Variants in NAGLU observed in about 807,000 individuals in gnomAD.
NAGLU encodes the protein N-acetyl-alpha-glucosaminidase, also known as alpha-N-acetylglucosaminidase.
NAGLU carries 34 observed loss-of-function variants against 43.4 expected under a neutral mutation model. That is an observed-to-expected ratio of 0.78 (90% CI 0.60 to 1.04). NAGLU has a LOEUF of 1.04. Among genes scored for constraint, NAGLU ranks in the 50% least tolerant of loss-of-function variants. NAGLU has a pLI of 0.00. For synonymous variants in NAGLU, 425 were observed against 437.6 expected (o/e 0.97, Z 0.36); for missense variants, 910 against 993.7 (o/e 0.92, Z 1.13).
chr17:42,541,810 A>G (rs2092922399), intron 5 of NAGLU, among the ~76,000 whole-genome samples: 1 of 152,198 alleles, frequency 6.6e-6, no homozygotes, highest in African/African-American at 2.4e-5. Context: ...GTACTGCTCC[A>G]AGTGTGACCC....
chr17:42,538,594 G>A (rs924696071), intron 3 of NAGLU, 76 bp from the exon 4 acceptor site: 181 of 1,612,178 alleles, frequency 1.1e-4, no homozygotes, highest in Non-Finnish European at 1.4e-4. Flanking sequence ...GGGGGGCTGC[G>A]TGTATCCTGG....
intron 1 of NAGLU, 46 bp downstream of exon 1, chr17:42,536,701 C>G (rs926500241): frequency 1.7e-5 from 24 of 1,386,208 alleles, no homozygotes; most frequent in Non-Finnish European, 2.2e-5. Flanking sequence ...CGCTTACCCC[C>G]TCCCGGAGCC....
Position 42,543,512 on chromosome 17 carries a change from C to T in NAGLU, c.1506C>T (p.Tyr502=), listed in dbSNP as rs1348547753. Residue 502 remains tyrosine, a synonymous_variant, in exon 6 of 6, where the codon TAC becomes TAT. Transcript: ENST00000225927. ...GGAGGCTACTGCTCCGGAGTGTGTA[C>T]AACTGCTCCGGGGAGGCCTGCAGGG... The part of the protein sequence containing the change: ...AAWRLLLRSV[Y]NCSGEACRGH... The T allele has an allele frequency of 1.9e-6, 3 of 1,605,242 alleles. No individual in the cohort carries two copies. The highest frequency in any genetic ancestry group is 1.7e-5 in the Admixed American group (1 of 59,340).
rs1371348421 is a variant in NAGLU at position 42,543,009 on chromosome 17, C to T, written c.1022-19C>T. The T allele has an allele frequency of 6.3e-7, 1 of 1,599,394 alleles. No individual in the cohort carries two copies. The highest frequency in any genetic ancestry group is 8.5e-7 in the Non-Finnish European group (1 of 1,179,960). Reference sequence around the variant, plus strand: ...TTTCATCACTCCTCTTCTCTGTTCCCCCTACCTCCTGTCCACAGTGGATAC... The same window carrying T: ...TTTCATCACTCCTCTTCTCTGTTCCTCCTACCTCCTGTCCACAGTGGATAC... On this transcript the variant is annotated intron_variant, in intron 5 of 5. Coordinates refer to ENST00000225927, the MANE Select transcript of NAGLU (RefSeq NM_000263.4).
At chr17:42,542,089 G>C (rs576165983) in intron 5 of NAGLU, among the ~76,000 whole-genome samples, 1 of 151,524 alleles carries the variant, frequency 6.6e-6, no homozygotes, top group Non-Finnish European at 1.5e-5. Context: ...TTGAGATAGA[G>C]TCTCGCTCTG....
chr17:42,536,509 C>G lies in NAGLU; in HGVS notation c.237C>G (p.Gly79=), dbSNP rs2092906607. 7.9e-7 allele frequency: 1 copy of G among 1,265,024 alleles called. No individual in the cohort carries two copies. Among genetic ancestry groups the G allele is most frequent in the African/African-American group, 1.6e-5 (1 of 64,158 alleles). 78.4% of individuals were successfully genotyped at this position (1,265,024 alleles called of 1,614,324 possible). Residue 79 remains glycine (G), a synonymous_variant, in exon 1 of 6, where the codon GGC becomes GGG. Coordinates refer to ENST00000225927, the MANE Select transcript of NAGLU (RefSeq NM_000263.4). ...GCGCGGCGCGCGTGCGGGTGCGCGGCTCCACGGGCGTGGCGGCCGCCGCGG... is the reference window on the plus strand; with the variant it reads ...GCGCGGCGCGCGTGCGGGTGCGCGGGTCCACGGGCGTGGCGGCCGCCGCGG... ...GGGAARVRVR[G]STGVAAAAGL... is the part of the protein sequence containing the mutation.
chr17:42,537,223 A>C, intron 1 of NAGLU, 175 bp from the exon 2 acceptor site: 1 of 917,466 alleles, frequency 1.1e-6, no homozygotes, highest in Non-Finnish European at 1.7e-6. Flanking sequence ...CGAGTGCCTC[A>C]GAAGCCCAGC....
intron 5 of NAGLU, among the ~76,000 whole-genome samples, chr17:42,541,762 C>T (rs2092922305): frequency 6.6e-6 from 1 of 152,182 alleles, no homozygotes; most frequent in African/African-American, 2.4e-5. Flanking sequence ...TCTGTGTTGG[C>T]CAGGAAGGGA....
chr17:42,537,308 CCT>C, intron 1 of NAGLU, 88 bp from the exon 2 acceptor site: 1 of 1,597,044 alleles, frequency 6.3e-7, no homozygotes, highest in Middle Eastern at 1.7e-4. Flanking sequence ...GAGCCCCTCC[CCT>C]CTCCTCTAGG....
Position 42,536,576 on chromosome 17 carries a change from G to T in NAGLU, c.304G>T (p.Ala102Ser). ...YLRDFCGCHV[A>S]WSGSQLRLPR... ...GCGCGACTTCTGTGGCTGCCACGTG[G>T]CCTGGTCCGGCTCTCAGCTGCGCCT... The change falls in exon 1 of 6, where the codon GCC becomes TCC. Residue 102 changes from alanine to serine, a missense_variant. Physicochemically the swap from Ala to Ser is moderately conservative, Grantham distance 99. Coordinates refer to ENST00000225927, the MANE Select transcript of NAGLU (RefSeq NM_000263.4). 1 of 1,487,560 alleles carries T rather than the reference G, an allele frequency of 6.7e-7. No individual in the cohort carries two copies. Among genetic ancestry groups the T allele is most frequent in the Non-Finnish European group, 8.9e-7 (1 of 1,126,592 alleles). 92.1% of individuals were successfully genotyped at this position (1,487,560 alleles called of 1,614,324 possible).
At position 42,544,160 on chromosome 17, in the gene NAGLU, G is replaced by C. The variant is rs749377249; in HGVS notation, c.2154G>C (p.Gln718His). ...FVLSKQRYPS[Q>H]PRGDTVDLAK... is the part of the protein sequence containing the mutation. ...TCAGCAAGCAGAGGTACCCCAGCCA[G>C]CCGCGAGGAGACACTGTGGACCTGG... The change falls in exon 6 of 6, where the codon CAG becomes CAC. Residue 718 changes from glutamine to histidine, a missense_variant. Physicochemically the swap from Gln to His is conservative, Grantham distance 24. Transcript: ENST00000225927. The C allele has an allele frequency of 1.9e-6, 3 of 1,613,758 alleles. No homozygotes were observed. The South Asian group carries it at 3.3e-5, about 18-fold the overall frequency.
At position 42,544,262 on chromosome 17, in the gene NAGLU, G is replaced by A. The variant is rs373750406; in HGVS notation, c.*24G>A. Reference sequence around the variant, plus strand: ...GATAGATTCGCCACCACTGGGCCTTGTTTTCCGCTAATTCCAGGGCAGATT... The same window carrying A: ...GATAGATTCGCCACCACTGGGCCTTATTTTCCGCTAATTCCAGGGCAGATT... On this transcript the variant is annotated 3_prime_UTR_variant, in exon 6 of 6. Coordinates refer to ENST00000225927, the MANE Select transcript of NAGLU (RefSeq NM_000263.4). 2.0e-5 allele frequency: 32 copies of A among 1,604,472 alleles called. No individual in the cohort carries two copies. The African/African-American group carries it at 3.6e-4, about 18-fold the overall frequency.
intron 1 of NAGLU, 24 bp downstream of exon 1, chr17:42,536,679 G>C: frequency 6.9e-7 from 1 of 1,455,558 alleles, no homozygotes; most frequent in South Asian, 1.3e-5. Flanking sequence ...GCTTCCCCGC[G>C]TCCGCCCGAG....
rs181735466 is a variant in NAGLU at position 42,536,442 on chromosome 17, C to G, written c.170C>G (p.Ala57Gly). The change falls in exon 1 of 6, where the codon GCT becomes GGT. Residue 57 changes from alanine to glycine, a missense_variant. Coordinates refer to ENST00000225927, the MANE Select transcript of NAGLU (RefSeq NM_000263.4). ...TCCGTGTCGGTGGAGCGCGCTCTGG[C>G]TGCCAAGCCGGGCTTGGACACCTAC... is the stretch of plus-strand genomic sequence containing the variant. ...DFSVSVERAL[A>G]AKPGLDTYSL... is the part of the protein sequence containing the mutation. 551 of 1,258,010 alleles carry G rather than the reference C, an allele frequency of 4.4e-4. No individual in the cohort carries two copies. Among genetic ancestry groups the G allele is most frequent in the Non-Finnish European group, 5.4e-4 (531 of 992,372 alleles). The allele number at this position is 1,258,010 out of a possible 1,614,324, so 77.9% of individuals were successfully genotyped here.
Position 42,536,307 on chromosome 17 carries a change from T to A in NAGLU, c.35T>A (p.Val12Asp). The change falls in exon 1 of 6, where the codon GTC (valine) becomes GAC (aspartate). Residue 12 changes from valine (V) to aspartate (D), a missense_variant. By Grantham distance (152) the Val-to-Asp change is radical. Transcript: ENST00000225927. ...GTGGCGGTGGCCGCGGCGGTGGGGG[T>A]CCTTCTCCTGGCCGGGGCCGGGGGC... ...EAVAVAAAVG[V>D]LLLAGAGGAA... is the part of the protein sequence containing the mutation. The A allele has an allele frequency of 8.2e-7, 1 of 1,218,450 alleles. No homozygotes were observed. The highest frequency in any genetic ancestry group is 1.0e-6 in the Non-Finnish European group (1 of 979,874). The allele number at this position is 1,218,450 out of a possible 1,614,324, so 75.5% of individuals were successfully genotyped here.
intron 4 of NAGLU, among the ~76,000 whole-genome samples, chr17:42,540,508 AAC>A (rs1297756297): frequency 6.6e-6 from 1 of 151,780 alleles, no homozygotes; most frequent in Non-Finnish European, 1.5e-5. Flanking sequence ...CATCCTGGCT[AAC>A]ACAGTGAAAC....
rs115888189 is a variant in NAGLU, at chr17:42,541,118, C to T, written c.933C>T (p.Ala311=). 25 of 1,613,874 alleles carry T rather than the reference C, an allele frequency of 1.5e-5. No homozygotes were observed. Among genetic ancestry groups the T allele is most frequent in the Non-Finnish European group, 1.9e-5 (22 of 1,180,012 alleles). ...TTGGCACAGACCACATCTATGGGGC[C>T]GACACTTTCAATGAGATGCAGCCAC... is the stretch of plus-strand genomic sequence containing the variant. ...KEFGTDHIYG[A]DTFNEMQPPS... Residue 311 remains alanine (A), a synonymous_variant, in exon 5 of 6, where the codon GCC becomes GCT. Transcript: ENST00000225927.
intron 5 of NAGLU, among the ~76,000 whole-genome samples, chr17:42,542,650 C>T (rs1355503107): frequency 3.3e-5 from 5 of 152,184 alleles, no homozygotes; most frequent in African/African-American, 4.8e-5. Context: ...CCTGCCATTA[C>T]GCTAGGCTAA....
chr17:42,538,130 C>T (rs930088274), intron 2 of NAGLU, among the ~76,000 whole-genome samples: 1 of 152,216 alleles, frequency 6.6e-6, no homozygotes, highest in South Asian at 2.1e-4. Flanking sequence ...TGCCCCATCT[C>T]CTCACCCATG....
Sources: gnomAD v4.1 joint callset for allele counts (sites outside exome capture counted in the v4.1 genomes callset) on GRCh38, gnomAD v4.1.1 for gene constraint, MANE v1.5 for transcripts, NCBI Gene and HGNC (gene_info 2026-07-23, HGNC 2026-07-21) for gene names.